EHBP1: variants seen among roughly 807,000 people sequenced by gnomAD.
EHBP1 encodes the protein EH domain-binding protein 1.
EHBP1 carries 55 observed loss-of-function variants against 144.0 expected under a neutral mutation model. That is an observed-to-expected ratio of 0.38 (90% CI 0.31 to 0.48). The LOEUF is 0.48. Among genes scored for constraint, EHBP1 ranks in the 20% least tolerant of loss-of-function variants. The pLI, the probability that EHBP1 is intolerant of heterozygous loss-of-function variation, is 0.98. For synonymous variants in EHBP1, 469 were observed against 472.7 expected, an observed-to-expected ratio of 0.99 and a Z score of 0.10; for missense variants, 1,200 against 1,364.2, an observed-to-expected ratio of 0.88 and a Z score of 1.90.
At chr2:63,044,891 T>A (rs1018964283) in intron 21 of EHBP1, 175 bp from the exon 22 acceptor site, 18 of 568,024 alleles carry the variant, frequency 3.2e-5, no homozygotes, top group African/African-American at 3.0e-4. Flanking sequence ...AAGTAGACTT[T>A]TAGCGAGGAA....
chr2:62,786,015 G>A (rs1385324441), intron 5 of EHBP1, among the ~76,000 whole-genome samples: 1 of 151,986 alleles, frequency 6.6e-6, no homozygotes, highest in Non-Finnish European at 1.5e-5. Flanking sequence ...CTGCATTCCC[G>A]TATGTAACCA....
chr2:62,703,515 A>T (rs2034339499), upstream of EHBP1, among the ~76,000 whole-genome samples: 1 of 152,218 alleles, frequency 6.6e-6, no homozygotes, highest in African/African-American at 2.4e-5. Flanking sequence ...TCCAGGAGAC[A>T]GCCTATGAAC....
intron 10 of EHBP1, among the ~76,000 whole-genome samples, chr2:62,883,013 T>TAC (rs1330012770): frequency 3.3e-5 from 5 of 152,048 alleles, no homozygotes; most frequent in African/African-American, 1.2e-4. Context: ...ACTATACATA[T>TAC]ACACACACAC....
At chr2:62,858,950 G>C (rs2049292477) in intron 7 of EHBP1, among the ~76,000 whole-genome samples, 1 of 152,068 alleles carries the variant, frequency 6.6e-6, no homozygotes, top group African/African-American at 2.4e-5. Flanking sequence ...TTCATTATCT[G>C]ACATAATTTT....
intron 19 of EHBP1, among the ~76,000 whole-genome samples, chr2:63,019,868 G>GAAGGAAGGAAGGA (rs2060646042): frequency 6.9e-6 from 1 of 144,234 alleles, no homozygotes; most frequent in Admixed American, 6.9e-5. Flanking sequence ...AGGAAGGAAG[G>GAAGGAAGGAAGGA]AAGGAAGGAA....
At chr2:62,931,935 T>C (rs541513220) in intron 10 of EHBP1, among the ~76,000 whole-genome samples, 2 of 152,064 alleles carry the variant, frequency 1.3e-5, no homozygotes, top group Non-Finnish European at 1.5e-5. Context: ...TCCTAGCACT[T>C]TGGGAGGCCA....
intron 2 of EHBP1, among the ~76,000 whole-genome samples, chr2:62,730,201 C>T (rs901401492): frequency 6.6e-6 from 1 of 152,002 alleles, no homozygotes; most frequent in Non-Finnish European, 1.5e-5. Context: ...TATTTCCCCC[C>T]ACTTATTGAT....
At chr2:62,835,641 T>TGC (rs1180095921) in intron 7 of EHBP1, among the ~76,000 whole-genome samples, 1 of 151,974 alleles carries the variant, frequency 6.6e-6, no homozygotes, top group Non-Finnish European at 1.5e-5. Flanking sequence ...GCGCGCACCG[T>TGC]GCGCGAGCCG....
intron 1 of EHBP1, among the ~76,000 whole-genome samples, chr2:62,695,538 C>A (rs1285247205): frequency 1.3e-5 from 2 of 152,090 alleles, no homozygotes; most frequent in East Asian, 3.9e-4. Context: ...TTAGATGAAC[C>A]AGTAATTGAT....
At chr2:62,941,005 A>C (rs2077565486) in intron 10 of EHBP1, among the ~76,000 whole-genome samples, 1 of 152,190 alleles carries the variant, frequency 6.6e-6, no homozygotes, top group Admixed American at 6.5e-5. Context: ...GAATCGATGT[A>C]ATGATAGTTA....
At chr2:62,791,294 A>G (rs1231915594) in intron 5 of EHBP1, among the ~76,000 whole-genome samples, 1 of 152,076 alleles carries the variant, frequency 6.6e-6, no homozygotes, top group Non-Finnish European at 1.5e-5. Context: ...ACCATTTGTA[A>G]TGAAAGGTTT....
intron 5 of EHBP1, among the ~76,000 whole-genome samples, chr2:62,811,283 T>C (rs1046259824): frequency 1.9e-4 from 29 of 152,236 alleles, no homozygotes; most frequent in Non-Finnish European, 2.1e-4. Context: ...GCATGTCTGC[T>C]TCAGCATTTA....
At chr2:62,894,044 CAAA>C (rs146913575) in intron 10 of EHBP1, among the ~76,000 whole-genome samples, 2 of 96,200 alleles carry the variant, frequency 2.1e-5, no homozygotes, top group African/African-American at 4.1e-5. Flanking sequence ...GACTCCGTCT[CAAA>C]AAAAAAAAAA....
chr2:62,674,228 A>G (rs2033205311), intron 1 of EHBP1: 4 of 435,568 alleles, frequency 9.2e-6, no homozygotes, highest in Non-Finnish European at 1.9e-5. Context: ...AAGCTACTTA[A>G]TAACTGCTGA....
At chr2:62,716,186 C>A (rs2035659984) in intron 2 of EHBP1, among the ~76,000 whole-genome samples, 1 of 152,134 alleles carries the variant, frequency 6.6e-6, no homozygotes, top group Admixed American at 6.6e-5. Context: ...CGCAACCCCC[C>A]ACCACGCCCC....
chr2:63,016,025 T>C (rs1313247320), intron 19 of EHBP1, among the ~76,000 whole-genome samples: 1 of 152,124 alleles, frequency 6.6e-6, no homozygotes, highest in Non-Finnish European at 1.5e-5. Flanking sequence ...ATTACTAAGG[T>C]TCTGAAGTAG....
At chr2:62,987,885 T>C in intron 15 of EHBP1, 1 of 1,070,212 alleles carries the variant, frequency 9.3e-7, no homozygotes, top group Non-Finnish European at 1.4e-6. Flanking sequence ...ATGAATGATA[T>C]AAAATATAAA....
chr2:62,688,556 C>T (rs968178234), intron 1 of EHBP1, among the ~76,000 whole-genome samples: 1 of 152,152 alleles, frequency 6.6e-6, no homozygotes, highest in Non-Finnish European at 1.5e-5. Flanking sequence ...TGTTATAGAA[C>T]ACTAAAACTT....
intron 5 of EHBP1, among the ~76,000 whole-genome samples, chr2:62,798,771 G>A (rs1191119079): frequency 2.6e-5 from 4 of 151,914 alleles, no homozygotes; most frequent in South Asian, 2.1e-4. Flanking sequence ...TTGGGAGGCC[G>A]AGGTGGGCGG....
Sources: allele counts gnomAD v4.1 joint callset (sites outside exome capture counted in the v4.1 genomes callset), GRCh38; gene constraint gnomAD v4.1.1; transcripts MANE v1.5; gene names NCBI Gene and HGNC (gene_info 2026-07-23, HGNC 2026-07-21).